DNAAF4: variants seen among roughly 807,000 people sequenced by gnomAD.
DNAAF4 encodes the protein dynein assembly factor 4, axonemal.
A neutral mutation model predicts 51.8 loss-of-function variants in DNAAF4; 43 were observed. The ratio of observed to expected loss-of-function variants is 0.83; its 90% CI spans 0.65 to 1.07. DNAAF4 has a LOEUF of 1.07. DNAAF4 is among the 50% of genes least tolerant of loss of function. The pLI, the probability that DNAAF4 is intolerant of heterozygous loss-of-function variation, is 0.00. For missense variants in DNAAF4, 581 were observed against 493.0 expected (o/e 1.18, Z -1.69); for synonymous variants, 194 against 165.6 (o/e 1.17, Z -1.32).
intron 6 of DNAAF4, chr15:55,442,928 A>G: frequency 6.2e-7 from 1 of 1,611,372 alleles, no homozygotes; most frequent in Non-Finnish European, 8.5e-7. Context: ...CCTTCTAGGT[A>G]AGGGACTCCT....
chr15:55,469,914 A>T (rs1034328062), intron 4 of DNAAF4, among the ~76,000 whole-genome samples: 1 of 152,160 alleles, frequency 6.6e-6, no homozygotes, highest in Non-Finnish European at 1.5e-5. Context: ...CTCCACACAG[A>T]TGCCAATCAT....
At chr15:55,429,976 A>G (rs1156823561), downstream of DNAAF4, among the ~76,000 whole-genome samples, 2 of 152,216 alleles carry the variant, frequency 1.3e-5, no homozygotes, top group Admixed American at 6.6e-5. Context: ...TTCCAGGTTA[A>G]TATCTTACAC....
In DNAAF4 at chr15:55,505,472, T is replaced by C. The variant is rs895058757; in HGVS notation, c.-256+2650A>G. On this transcript the variant is annotated intron_variant, in intron 1 of 9. Transcript: ENST00000321149. ...CTATAAAGACACATGCACACGTATG[T>C]TTACTGAGGCACTATTCACAATAGC... 2.0e-5 allele frequency among the ~76,000 whole-genome samples: 3 copies of C among 152,116 alleles called. No homozygotes were observed. The South Asian group carries it at 6.2e-4, about 32-fold the overall frequency.
Position 55,432,543 on chromosome 15 carries a change from A to G in DNAAF4, c.1107T>C (p.His369=), listed in dbSNP as rs2057512693. The G allele has an allele frequency of 1.2e-6, 2 of 1,612,910 alleles. No individual in the cohort carries two copies. The highest frequency in any genetic ancestry group is 1.7e-5 in the Admixed American group (1 of 60,000). The change falls in exon 9 of 10, where the codon CAT becomes CAC. Residue 369 remains histidine (H), a synonymous_variant. Coordinates refer to ENST00000321149, the MANE Select transcript of DNAAF4 (RefSeq NM_130810.4). ...GACAGAATGCTGTTCCACGTCGTAC[A>G]TGTGCCTTCATTCTTGCATTAGCAT... ...TDNANARMKA[H]VRRGTAFCQL...
chr15:55,428,498 T>C (rs968930751), downstream of DNAAF4, among the ~76,000 whole-genome samples: 32 of 134,708 alleles, frequency 2.4e-4, no homozygotes, highest in African/African-American at 5.8e-4. Context: ...TTTTTTTTTT[T>C]TTTTTTTTTT....
At chr15:55,470,602 C>T (rs966355931) in intron 4 of DNAAF4, among the ~76,000 whole-genome samples, 3 of 149,876 alleles carry the variant, frequency 2.0e-5, no homozygotes, top group African/African-American at 2.5e-5. Context: ...AGTGCAATGG[C>T]GCAATCATGG....
intron 4 of DNAAF4, among the ~76,000 whole-genome samples, chr15:55,468,931 C>CA (rs2058208556): frequency 6.6e-6 from 1 of 151,992 alleles, no homozygotes; most frequent in Non-Finnish European, 1.5e-5. Context: ...AAAGGCTTCA[C>CA]AGAGTAGGTA....
chr15:55,425,635 A>G (rs74015600), downstream of DNAAF4, among the ~76,000 whole-genome samples: 6,506 of 152,236 alleles, frequency 0.043, 488 homozygotes, highest in African/African-American at 0.15. Flanking sequence ...CTAGGGAACC[A>G]AGACAGAATA....
intron 6 of DNAAF4, chr15:55,443,262 G>C: frequency 6.3e-7 from 1 of 1,587,074 alleles, no homozygotes; most frequent in South Asian, 1.1e-5. Flanking sequence ...ACCTCAGCGC[G>C]GGTTGCGGCT....
At chr15:55,472,434 A>G (rs563551958) in intron 4 of DNAAF4, among the ~76,000 whole-genome samples, 12 of 152,224 alleles carry the variant, frequency 7.9e-5, no homozygotes, top group Admixed American at 6.5e-4. Flanking sequence ...CCTGGCCAAC[A>G]TGGTGAAACC....
chr15:55,494,031 GTT>G (rs58176526), intron 3 of DNAAF4, among the ~76,000 whole-genome samples: 7 of 138,108 alleles, frequency 5.1e-5, no homozygotes, highest in East Asian at 2.1e-4. Context: ...TTTCTTTCTT[GTT>G]TTTTTTTTTT....
intron 8 of DNAAF4, among the ~76,000 whole-genome samples, chr15:55,433,935 A>AAATATAT (rs1567000549): frequency 0.051 from 114 of 2,232 alleles, 3 homozygotes; most frequent in African/African-American, 0.09. Flanking sequence ...ATATTATATA[A>AAATATAT]AATATATATA....
At chr15:55,426,852 G>C (rs2057434960), downstream of DNAAF4, among the ~76,000 whole-genome samples, 1 of 152,224 alleles carries the variant, frequency 6.6e-6, no homozygotes, top group South Asian at 2.1e-4. Flanking sequence ...AAAGTGATCT[G>C]AAGTTACATC....
chr15:55,473,201 ATATAT>A lies in DNAAF4; in HGVS notation c.406-6045_406-6041del, dbSNP rs1567023302. On this transcript the variant is annotated intron_variant, in intron 4 of 9. Coordinates refer to ENST00000321149, the MANE Select transcript of DNAAF4 (RefSeq NM_130810.4). ...AAAAAAAAACCTAAAAAAAAAAAATATATATATATATATATATATATGTGTGTGTG... is the reference window on the plus strand; with the variant it reads ...AAAAAAAAACCTAAAAAAAAAAAATAATATATATATATATATGTGTGTGTG... 6.8e-5 allele frequency among the ~76,000 whole-genome samples: 6 copies of A among 88,228 alleles called. 1 individual carries two copies. Among genetic ancestry groups the A allele is most frequent in the African/African-American group, 3.6e-4 (6 of 16,656 alleles). The allele number at this position is 88,228 out of a possible 152,430, so 57.9% of individuals were successfully genotyped here. A position where few individuals can be genotyped will look rare whatever the true frequency, so the allele number is the denominator to read the frequency against.
intron 7 of DNAAF4, chr15:55,418,279 GC>G: frequency 6.4e-7 from 1 of 1,551,852 alleles, no homozygotes; most frequent in South Asian, 1.2e-5. Flanking sequence ...CTGAACAACT[GC>G]CTCCTTGTGT....
chr15:55,444,232 G>A (rs2057760517), intron 6 of DNAAF4, among the ~76,000 whole-genome samples: 1 of 152,176 alleles, frequency 6.6e-6, no homozygotes, highest in Admixed American at 6.6e-5. Context: ...AAGGTGTAAG[G>A]AAGGGATCCA....
At chr15:55,430,217 G>A, downstream of DNAAF4, 4 of 235,408 alleles carry the variant, frequency 1.7e-5, no homozygotes, top group Non-Finnish European at 2.8e-5. Context: ...AAGGTTCTGT[G>A]CAGTTGGAAA....
At chr15:55,460,044 A>G (rs1043283949) in intron 5 of DNAAF4, among the ~76,000 whole-genome samples, 4 of 152,080 alleles carry the variant, frequency 2.6e-5, no homozygotes, top group African/African-American at 9.7e-5. Flanking sequence ...ACTTTAAAGC[A>G]ACAACAGTTA....
rs761016593 is a variant in DNAAF4 at position 55,418,280 on chromosome 15, C to G, written c.1048-147G>C. On this transcript the variant is annotated intron_variant, in intron 7 of 7. Coordinates refer to the DNAAF4 transcript ENST00000448430. ...CACAGAAATGAAATCTGAACAACTG[C>G]CTCCTTGTGTGAACCCTGGCAATCC... 9.7e-6 allele frequency: 15 copies of G among 1,551,848 alleles called. No homozygotes were observed. In the South Asian group the frequency reaches 1.8e-4, roughly 18 times the overall value.
Sources: allele counts gnomAD v4.1 joint callset (sites outside exome capture counted in the v4.1 genomes callset), GRCh38; gene constraint gnomAD v4.1.1; transcripts MANE v1.5; gene names NCBI Gene and HGNC (gene_info 2026-07-23, HGNC 2026-07-21).